SBF2: variants seen among roughly 807,000 people sequenced by gnomAD.
SBF2 encodes the protein myotubularin-related protein 13.
A neutral mutation model predicts 225.2 loss-of-function variants in SBF2; 112 were observed. That is an observed-to-expected ratio of 0.50 (90% CI 0.43 to 0.58). The LOEUF (loss-of-function observed/expected upper bound fraction) is 0.58. Ranked by LOEUF, SBF2 falls within the 20% of genes least tolerant of loss-of-function variation. The probability of loss-of-function intolerance (pLI) is 0.00; values close to 1 mark genes in which losing one functional copy is unlikely to be tolerated. For missense variants in SBF2, 1,996 were observed against 2,206.2 expected (o/e 0.90, Z 1.91); for synonymous variants, 763 against 773.3 (o/e 0.99, Z 0.22).
chr11:10,024,047 T>G (rs1423503184), intron 6 of SBF2, among the ~76,000 whole-genome samples: 1 of 152,148 alleles, frequency 6.6e-6, no homozygotes, highest in Non-Finnish European at 1.5e-5. Context: ...TTAGACCACA[T>G]TTTTTAGAAC....
chr11:9,897,869 T>TC (rs1398005124), intron 16 of SBF2, among the ~76,000 whole-genome samples: 2 of 152,180 alleles, frequency 1.3e-5, no homozygotes, highest in African/African-American at 4.8e-5. Flanking sequence ...ATCAGTGTGG[T>TC]GTTTTTTCCT....
intron 1 of SBF2, among the ~76,000 whole-genome samples, chr11:10,260,461 A>G (rs1961314839): frequency 6.6e-6 from 1 of 152,068 alleles, no homozygotes; most frequent in African/African-American, 2.4e-5. Context: ...TCACGCCTGT[A>G]ATCCTAGCAC....
chr11:10,113,641 T>C (rs1177941986), intron 2 of SBF2, among the ~76,000 whole-genome samples: 2 of 152,118 alleles, frequency 1.3e-5, no homozygotes, highest in East Asian at 3.8e-4. Context: ...AAAGGTTACT[T>C]TTTAGTGGGA....
chr11:9,909,859 T>A (rs1470985043), intron 16 of SBF2, among the ~76,000 whole-genome samples: 1 of 152,074 alleles, frequency 6.6e-6, no homozygotes, highest in Non-Finnish European at 1.5e-5. Flanking sequence ...GGACTTCCCA[T>A]CAAAAAATAT....
At chr11:10,124,822 T>G (rs1295013766) in intron 2 of SBF2, among the ~76,000 whole-genome samples, 1 of 152,168 alleles carries the variant, frequency 6.6e-6, no homozygotes, top group African/African-American at 2.4e-5. Flanking sequence ...AAAAATTTTC[T>G]GGCTGGGCGT....
At chr11:9,974,232 G>C (rs1391462994) in intron 13 of SBF2, among the ~76,000 whole-genome samples, 1 of 152,038 alleles carries the variant, frequency 6.6e-6, no homozygotes, top group Non-Finnish European at 1.5e-5. Context: ...TGATATGCTG[G>C]TTGCCCTAAT....
intron 16 of SBF2, among the ~76,000 whole-genome samples, chr11:9,948,009 A>G (rs1170625713): frequency 1.3e-5 from 2 of 152,214 alleles, no homozygotes; most frequent in Non-Finnish European, 2.9e-5. Context: ...CATTATTTAC[A>G]ATAAGCAAAA....
At chr11:9,927,254 T>C (rs1864125959) in intron 16 of SBF2, among the ~76,000 whole-genome samples, 3 of 152,212 alleles carry the variant, frequency 2.0e-5, no homozygotes, top group African/African-American at 7.2e-5. Context: ...AAAAACCTTC[T>C]CATAAAGAAA....
intron 16 of SBF2, among the ~76,000 whole-genome samples, chr11:9,903,110 A>T (rs1861855209): frequency 6.6e-6 from 1 of 152,124 alleles, no homozygotes. Context: ...TCACGAGGTC[A>T]GGAGATCAAG....
At chr11:9,938,469 C>CA (rs558732919) in intron 16 of SBF2, among the ~76,000 whole-genome samples, 1,530 of 118,614 alleles carry the variant, frequency 0.013, 14 homozygotes, top group Middle Eastern at 0.048. Context: ...TTAAAAAGTA[C>CA]AAAAAAAAAA....
intron 23 of SBF2, 41 bp from the exon 24 acceptor site, chr11:9,845,781 A>G: frequency 6.3e-7 from 1 of 1,590,792 alleles, no homozygotes; most frequent in Non-Finnish European, 8.6e-7. Flanking sequence ...AGCATTAAGG[A>G]TTTCCTGGCA....
chr11:9,939,262 A>C (rs1590539944), intron 16 of SBF2, among the ~76,000 whole-genome samples: 1 of 151,940 alleles, frequency 6.6e-6, no homozygotes, highest in East Asian at 1.9e-4. Flanking sequence ...CGCCCGGCTA[A>C]TTTTTTTCTA....
At chr11:10,095,148 C>T (rs1951965814) in intron 2 of SBF2, among the ~76,000 whole-genome samples, 1 of 151,860 alleles carries the variant, frequency 6.6e-6, no homozygotes, top group Admixed American at 6.6e-5. Flanking sequence ...GTCTGAAGCT[C>T]CTGGCTTCAA....
intron 1 of SBF2, among the ~76,000 whole-genome samples, chr11:10,284,319 A>T (rs1963601666): frequency 6.6e-6 from 1 of 152,196 alleles, no homozygotes; most frequent in Non-Finnish European, 1.5e-5. Flanking sequence ...ATCACACATG[A>T]AGATATATGT....
chr11:10,235,654 G>A (rs12281432), intron 1 of SBF2, among the ~76,000 whole-genome samples: 64,175 of 151,954 alleles, frequency 0.42, 14,306 homozygotes, highest in Non-Finnish European at 0.49. Context: ...TCCTTCAAAC[G>A]TTTCTATAGT....
At chr11:10,000,454 T>C (rs1947908974) in intron 8 of SBF2, among the ~76,000 whole-genome samples, 1 of 152,206 alleles carries the variant, frequency 6.6e-6, no homozygotes, top group Admixed American at 6.5e-5. Flanking sequence ...CTTCTATTCA[T>C]ATGGCATTAA....
chr11:9,861,860 A>C (rs779582061), intron 17 of SBF2, among the ~76,000 whole-genome samples: 1 of 152,130 alleles, frequency 6.6e-6, no homozygotes. Flanking sequence ...GCACAAACTA[A>C]AAGTTGAATA....
chr11:10,005,549 C>G (rs1948153727), intron 6 of SBF2, among the ~76,000 whole-genome samples: 2 of 152,148 alleles, frequency 1.3e-5, no homozygotes, highest in Non-Finnish European at 2.9e-5. Context: ...AACTTTCACT[C>G]CTGCTCTAAA....
At chr11:10,251,460 G>C (rs966108594) in intron 1 of SBF2, among the ~76,000 whole-genome samples, 1 of 152,224 alleles carries the variant, frequency 6.6e-6, no homozygotes, top group African/African-American at 2.4e-5. Flanking sequence ...AAAAGTACCT[G>C]TGCAGCTACT....
Sources: allele counts gnomAD v4.1 joint callset (sites outside exome capture counted in the v4.1 genomes callset), GRCh38; gene constraint gnomAD v4.1.1; transcripts MANE v1.5; gene names NCBI Gene and HGNC (gene_info 2026-07-23, HGNC 2026-07-21).